The following ZFR variants were observed in gnomAD, a reference collection of about 807,000 sequenced individuals.
ZFR encodes zinc finger RNA-binding protein.
In ZFR, 19 loss-of-function variants were observed where a neutral mutation model predicts 130.7. The ratio of observed to expected loss-of-function variants is 0.15; its 90% CI spans 0.10 to 0.21. The LOEUF is 0.21. Among genes scored for constraint, ZFR ranks in the 10% least tolerant of loss-of-function variants. ZFR has a pLI of 1.00. For missense variants in ZFR, 872 were observed against 1,321.5 expected, an observed-to-expected ratio of 0.66 and a Z score of 5.27; for synonymous variants, 466 against 456.9, an observed-to-expected ratio of 1.02 and a Z score of -0.25.
At chr5:32,415,500 G>GTGTC (rs1554073601) in intron 4 of ZFR, among the ~76,000 whole-genome samples, 7 of 103,258 alleles carry the variant, frequency 6.8e-5, no homozygotes, top group Admixed American at 2.8e-4. Flanking sequence ...GTGTGTGTGT[G>GTGTC]TGTGTGTGTG....
intron 11 of ZFR, among the ~76,000 whole-genome samples, chr5:32,394,722 T>C (rs906987438): frequency 1.1e-4 from 17 of 152,210 alleles, no homozygotes; most frequent in Non-Finnish European, 5.9e-5. Flanking sequence ...AACATTTGTA[T>C]CTTTATATAT....
intron 9 of ZFR, among the ~76,000 whole-genome samples, chr5:32,397,746 C>T (rs908859030): frequency 4.1e-5 from 6 of 146,548 alleles, no homozygotes; most frequent in Admixed American, 6.8e-5. Flanking sequence ...TGAGCCACTG[C>T]GCCTGGCCTA....
At chr5:32,391,657 A>C (rs1356105689) in intron 11 of ZFR, among the ~76,000 whole-genome samples, 2 of 151,868 alleles carry the variant, frequency 1.3e-5, no homozygotes, top group African/African-American at 4.8e-5. Flanking sequence ...GTTAACAATT[A>C]GGTTAAGGTT....
rs1482209891 is a variant in ZFR at position 32,385,756 on chromosome 5, G to A, written c.2500-107C>T. The A allele has an allele frequency of 4.7e-6, 6 of 1,280,218 alleles. 1 individual carries two copies. Among genetic ancestry groups the A allele is most frequent in the Admixed American group, 2.0e-5 (1 of 48,982 alleles). The allele number at this position is 1,280,218 out of a possible 1,614,324, so 79.3% of individuals were successfully genotyped here. The stretch of plus-strand genomic sequence containing the variant: ...TCTTACTACCCTAACCATTCTATAT[G>A]AGGACCAGATTATATACTGCTCCTT... On this transcript the variant is annotated intron_variant, in intron 14 of 19. Coordinates refer to ENST00000265069, the MANE Select transcript of ZFR (RefSeq NM_016107.5).
At chr5:32,417,386 A>G (rs1227168630) in intron 4 of ZFR, among the ~76,000 whole-genome samples, 1 of 152,180 alleles carries the variant, frequency 6.6e-6, no homozygotes, top group East Asian at 1.9e-4. Flanking sequence ...TTCAGAAGTT[A>G]TCATCACAGG....
intron 3 of ZFR, among the ~76,000 whole-genome samples, chr5:32,418,611 T>C (rs113096071): frequency 0.012 from 1,785 of 152,282 alleles, 33 homozygotes; most frequent in African/African-American, 0.041. Context: ...CAGACACTAT[T>C]AAAAACAACA....
chr5:32,415,684 T>C (rs1031183953), intron 4 of ZFR, among the ~76,000 whole-genome samples: 1 of 152,188 alleles, frequency 6.6e-6, no homozygotes, highest in Non-Finnish European at 1.5e-5. Context: ...GATTTTTCCA[T>C]AGTGAACTAC....
chr5:32,431,918 A>C (rs1754234045), intron 2 of ZFR, among the ~76,000 whole-genome samples: 1 of 151,982 alleles, frequency 6.6e-6, no homozygotes, highest in Non-Finnish European at 1.5e-5. Context: ...ACTGCAGACT[A>C]GACTCAGATG....
intron 2 of ZFR, among the ~76,000 whole-genome samples, chr5:32,443,526 C>T (rs1754519166): frequency 6.6e-6 from 1 of 152,382 alleles, no homozygotes; most frequent in East Asian, 1.9e-4. Context: ...AAACTTCGCA[C>T]ATCTTTTCCA....
intron 7 of ZFR, among the ~76,000 whole-genome samples, chr5:32,403,694 T>C (rs1753519015): frequency 6.6e-6 from 1 of 152,196 alleles, no homozygotes; most frequent in Non-Finnish European, 1.5e-5. Context: ...GTGAAATAAA[T>C]GGTTTAGTTC....
At chr5:32,409,726 G>T (rs1467992806) in intron 5 of ZFR, among the ~76,000 whole-genome samples, 1 of 152,168 alleles carries the variant, frequency 6.6e-6, no homozygotes, top group Non-Finnish European at 1.5e-5. Context: ...TCAGTTCATG[G>T]TTGATTGAAT....
At chr5:32,401,861 A>T (rs1048343720) in intron 8 of ZFR, among the ~76,000 whole-genome samples, 1 of 152,356 alleles carries the variant, frequency 6.6e-6, no homozygotes, top group South Asian at 2.1e-4. Flanking sequence ...GAAATATTAT[A>T]GAGATAGAAA....
chr5:32,400,397 T>G (rs377707860), intron 8 of ZFR, among the ~76,000 whole-genome samples, 194 bp from the exon 9 acceptor site: 1 of 152,098 alleles, frequency 6.6e-6, no homozygotes, highest in Non-Finnish European at 1.5e-5. Context: ...CGTTTCTGAA[T>G]TTTTCTCTTT....
At chr5:32,357,571 G>T (rs1391961457) in intron 19 of ZFR, among the ~76,000 whole-genome samples, 1 of 151,904 alleles carries the variant, frequency 6.6e-6, no homozygotes, top group African/African-American at 2.4e-5. Flanking sequence ...CAGCCAACTT[G>T]TATTTTTTAA....
rs184183617 is a variant in ZFR at position 32,397,950 on chromosome 5, T to C, written c.1714-612A>G. ...TCGGCTCACTGCCAGCTCCGCCTCC[T>C]GGGTTCACACCATTCTCCTGCCTCA... On this transcript the variant is annotated intron_variant, in intron 9 of 19. Transcript: ENST00000265069. Among the ~76,000 whole-genome samples the C allele has an allele frequency of 8.5e-3, 1,162 of 136,806 alleles. 16 individuals carry two copies. The highest frequency in any genetic ancestry group is 0.029 in the African/African-American group (1,095 of 37,568). The allele number at this position is 136,806 out of a possible 152,430, so 89.8% of individuals were successfully genotyped here.
At chr5:32,417,391 C>A (rs776512161) in intron 4 of ZFR, among the ~76,000 whole-genome samples, 12 of 152,146 alleles carry the variant, frequency 7.9e-5, no homozygotes, top group Non-Finnish European at 1.6e-4. Flanking sequence ...AAGTTATCAT[C>A]ACAGGTTCTT....
intron 2 of ZFR, among the ~76,000 whole-genome samples, chr5:32,434,914 C>CTTTTTCTT (rs1473688098): frequency 6.6e-6 from 1 of 152,036 alleles, no homozygotes. Context: ...TACTCTGTAA[C>CTTTTTCTT]TTTTTCTTTC....
chr5:32,376,839 C>T (rs557370845), intron 17 of ZFR, among the ~76,000 whole-genome samples: 2 of 151,882 alleles, frequency 1.3e-5, no homozygotes, highest in Admixed American at 6.6e-5. Context: ...ATTAGCAGGG[C>T]GTGGTGGCCC....
At chr5:32,359,605 A>G (rs1408474821) in intron 19 of ZFR, among the ~76,000 whole-genome samples, 1 of 152,236 alleles carries the variant, frequency 6.6e-6, no homozygotes, top group Admixed American at 6.5e-5. Flanking sequence ...ACACAAAAAA[A>G]TGTGCATCAG....
Sources: allele counts gnomAD v4.1 joint callset (sites outside exome capture counted in the v4.1 genomes callset), GRCh38; gene constraint gnomAD v4.1.1; transcripts MANE v1.5; gene names NCBI Gene and HGNC (gene_info 2026-07-23, HGNC 2026-07-21).